CDYL: variants seen among roughly 807,000 people sequenced by gnomAD.
CDYL encodes the protein chromodomain Y like.
A neutral mutation model predicts 47.3 loss-of-function variants in CDYL; 8 were observed. The ratio of observed to expected loss-of-function variants is 0.17; its 90% CI spans 0.10 to 0.31. The LOEUF (loss-of-function observed/expected upper bound fraction) is 0.31, where lower values mean the gene tolerates loss of function less well. Ranked by LOEUF, CDYL falls within the 10% of genes least tolerant of loss-of-function variation. CDYL has a pLI of 1.00. For missense variants in CDYL, 471 were observed against 701.4 expected (o/e 0.67, Z 3.71); for synonymous variants, 266 against 265.0 (o/e 1.00, Z -0.04).
intron 1 of CDYL, among the ~76,000 whole-genome samples, chr6:4,820,313 G>A (rs1759798667): frequency 6.6e-6 from 1 of 152,196 alleles, no homozygotes; most frequent in South Asian, 2.1e-4. Flanking sequence ...GATTTACTCT[G>A]TGGTGAGACA....
chr6:4,781,511 A>G (rs1758618404), intron 1 of CDYL, among the ~76,000 whole-genome samples: 1 of 152,236 alleles, frequency 6.6e-6, no homozygotes, highest in South Asian at 2.1e-4. Flanking sequence ...GTGTTTTGAC[A>G]ATAATAGCCT....
chr6:4,779,580 G>A (rs538614028), intron 1 of CDYL, among the ~76,000 whole-genome samples: 2 of 152,210 alleles, frequency 1.3e-5, no homozygotes, highest in Non-Finnish European at 2.9e-5. Context: ...GAAAAGATGG[G>A]TAGAGCATGA....
chr6:4,754,460 C>A (rs767142462), intron 3 of CDYL, among the ~76,000 whole-genome samples: 5 of 152,194 alleles, frequency 3.3e-5, no homozygotes, highest in African/African-American at 9.7e-5. Flanking sequence ...GACTCACCAA[C>A]AAGCAAAACA....
chr6:4,916,610 G>A (rs1047876032), intron 2 of CDYL, among the ~76,000 whole-genome samples: 1 of 152,170 alleles, frequency 6.6e-6, no homozygotes, highest in Non-Finnish European at 1.5e-5. Context: ...ATGTATCGGG[G>A]GGGGGCGGGC....
intron 2 of CDYL, among the ~76,000 whole-genome samples, chr6:4,912,023 A>G (rs1477266097): frequency 3.3e-5 from 5 of 152,176 alleles, no homozygotes; most frequent in African/African-American, 9.7e-5. Flanking sequence ...TGTCATTTCA[A>G]TCTCTAAGCA....
At chr6:4,830,927 C>A (rs1044883081) in intron 1 of CDYL, among the ~76,000 whole-genome samples, 10 of 152,034 alleles carry the variant, frequency 6.6e-5, no homozygotes, top group African/African-American at 2.2e-4. Flanking sequence ...TACAAAGGAC[C>A]TGAGCTCATC....
At chr6:4,842,162 ATAT>A (rs1231052999) in intron 1 of CDYL, among the ~76,000 whole-genome samples, 4 of 141,926 alleles carry the variant, frequency 2.8e-5, no homozygotes, top group Non-Finnish European at 6.1e-5. Context: ...TATTATAAAT[ATAT>A]TATATTATAT....
intron 2 of CDYL, among the ~76,000 whole-genome samples, chr6:4,901,472 AT>A (rs2127494122): frequency 6.6e-6 from 1 of 152,290 alleles, no homozygotes; most frequent in African/African-American, 2.4e-5. Context: ...TCTTCCGAGC[AT>A]GCTATTCTGG....
intron 1 of CDYL, among the ~76,000 whole-genome samples, chr6:4,826,048 C>T (rs1335798737): frequency 3.9e-5 from 6 of 152,156 alleles, no homozygotes; most frequent in African/African-American, 4.8e-5. Flanking sequence ...GTTAGTGGGA[C>T]GGTCTCAGGC....
Position 4,827,488 on chromosome 6 carries a change from T to C in CDYL, c.24+50681T>C, listed in dbSNP as rs112574595. ...TTCTTTGTGGTTATCATGGGAATTA[T>C]ATGTAATATCCACAATTGATGTTGT... On this transcript the variant is annotated intron_variant, in intron 1 of 6. Transcript: ENST00000397588. 5.8e-3 allele frequency among the ~76,000 whole-genome samples: 888 copies of C among 152,352 alleles called. 8 individuals are homozygous for C. The highest frequency in any genetic ancestry group is 0.02 in the African/African-American group (852 of 41,582).
At chr6:4,803,979 C>CTT (rs202116997) in intron 1 of CDYL, among the ~76,000 whole-genome samples, 11,833 of 133,102 alleles carry the variant, frequency 0.089, 608 homozygotes, top group South Asian at 0.13. Flanking sequence ...GCGTAGCGTG[C>CTT]TTTTTTTTTT....
At chr6:4,835,056 CT>C (rs2127455769) in intron 1 of CDYL, among the ~76,000 whole-genome samples, 1 of 152,248 alleles carries the variant, frequency 6.6e-6, no homozygotes, top group East Asian at 1.9e-4. Flanking sequence ...CGTCTGAAGC[CT>C]TCTTTTCTCA....
chr6:4,746,363 A>ATC (rs1426336274), intron 3 of CDYL, among the ~76,000 whole-genome samples: 1 of 145,360 alleles, frequency 6.9e-6, no homozygotes, highest in African/African-American at 2.7e-5. Flanking sequence ...ACTCTCTCAA[A>ATC]AAAAAAAAAA....
chr6:4,781,698 G>A (rs1011814429), intron 1 of CDYL, among the ~76,000 whole-genome samples: 4 of 151,896 alleles, frequency 2.6e-5, no homozygotes, highest in Non-Finnish European at 5.9e-5. Context: ...CTGTTCCCTC[G>A]TGCTCTATAA....
intron 2 of CDYL, among the ~76,000 whole-genome samples, 194 bp downstream of exon 2, chr6:4,892,573 C>G (rs1482378233): frequency 6.6e-6 from 1 of 152,202 alleles, no homozygotes; most frequent in Admixed American, 6.5e-5. Context: ...CTAGTTTTTT[C>G]TGTGTAATTC....
chr6:4,797,637 C>T (rs1304211863), intron 1 of CDYL, among the ~76,000 whole-genome samples: 2 of 152,140 alleles, frequency 1.3e-5, no homozygotes, highest in East Asian at 3.9e-4. Flanking sequence ...CATGAATCCA[C>T]TTTTTGTGTC....
chr6:4,735,654 T>C (rs1384775591), intron 3 of CDYL, among the ~76,000 whole-genome samples: 1 of 151,938 alleles, frequency 6.6e-6, no homozygotes, highest in Non-Finnish European at 1.5e-5. Context: ...TAATCCCAAC[T>C]ACTCAGGAGG....
At chr6:4,906,348 A>C (rs1757236223) in intron 2 of CDYL, among the ~76,000 whole-genome samples, 2 of 152,232 alleles carry the variant, frequency 1.3e-5, no homozygotes, top group African/African-American at 4.8e-5. Context: ...TTGTATAGGA[A>C]TACCATGAGA....
At chr6:4,929,854 G>T (rs1757984600) in intron 2 of CDYL, among the ~76,000 whole-genome samples, 1 of 151,648 alleles carries the variant, frequency 6.6e-6, no homozygotes, top group African/African-American at 2.4e-5. Context: ...CTTAGTCACT[G>T]GTCCTATTTT....
Sources: allele counts gnomAD v4.1 joint callset (sites outside exome capture counted in the v4.1 genomes callset), GRCh38; gene constraint gnomAD v4.1.1; transcripts MANE v1.5; gene names NCBI Gene and HGNC (gene_info 2026-07-23, HGNC 2026-07-21).